The following PPP6R3 variants were observed in gnomAD, a reference collection of about 807,000 sequenced individuals.
PPP6R3 encodes serine/threonine-protein phosphatase 6 regulatory subunit 3.
Under a neutral mutation model 110.7 loss-of-function variants are expected in PPP6R3, and 38 were observed. That is an observed-to-expected ratio of 0.34 (90% CI 0.26 to 0.45). The LOEUF (loss-of-function observed/expected upper bound fraction) is 0.45. PPP6R3 is among the 20% of genes least tolerant of loss of function. The pLI is 1.00. For synonymous variants in PPP6R3, 369 were observed against 373.5 expected (o/e 0.99, Z 0.14); for missense variants, 870 against 1,062.4 (o/e 0.82, Z 2.52).
chr11:68,551,757 G>T (rs1019838508), intron 6 of PPP6R3, among the ~76,000 whole-genome samples: 9 of 152,160 alleles, frequency 5.9e-5, no homozygotes, highest in Non-Finnish European at 1.5e-5. Context: ...AAAGTGCTGG[G>T]ATTACAGCCG....
intron 1 of PPP6R3, among the ~76,000 whole-genome samples, chr11:68,497,199 A>G (rs1349437762): frequency 7.4e-6 from 1 of 134,774 alleles, no homozygotes; most frequent in Non-Finnish European, 1.6e-5. Flanking sequence ...GGTGCCCGCC[A>G]CCACGCCCGG....
Position 68,614,429 on chromosome 11 carries a change from TAATAG to T in PPP6R3, c.*1315_*1319del. On this transcript the variant is annotated 3_prime_UTR_variant, in exon 24 of 24. Transcript: ENST00000393800. ...GATGCAAATCAGTTTTTCATTTCTG[TAATAG>T]AAAATTATTCACGTATTTTTACATC... is the stretch of plus-strand genomic sequence containing the variant. 1.5e-6 allele frequency: 2 copies of T among 1,328,008 alleles called. No individual in the cohort carries two copies. The highest frequency in any genetic ancestry group is 1.9e-6 in the Non-Finnish European group (2 of 1,042,844). 82.3% of individuals were successfully genotyped at this position (1,328,008 alleles called of 1,614,324 possible). A position where few individuals can be genotyped will look rare whatever the true frequency, so the allele number is the denominator to read the frequency against.
intron 1 of PPP6R3, among the ~76,000 whole-genome samples, chr11:68,491,058 C>T (rs1030772512): frequency 2.6e-5 from 4 of 152,108 alleles, no homozygotes; most frequent in Non-Finnish European, 5.9e-5. Context: ...TGGTGGCACA[C>T]ACCTGTAGTC....
chr11:68,598,271 G>A (rs1240558368), intron 19 of PPP6R3, among the ~76,000 whole-genome samples: 1 of 152,116 alleles, frequency 6.6e-6, no homozygotes, highest in East Asian at 1.9e-4. Context: ...CCTTTTGTTC[G>A]AAGGCCGAAT....
intron 14 of PPP6R3, among the ~76,000 whole-genome samples, chr11:68,576,949 G>C (rs2099533963): frequency 6.6e-6 from 1 of 152,204 alleles, no homozygotes; most frequent in African/African-American, 2.4e-5. Context: ...GGAGGGCTGT[G>C]CCCCCTACTT....
At chr11:68,503,284 A>G (rs556025257) in intron 1 of PPP6R3, among the ~76,000 whole-genome samples, 1 of 152,196 alleles carries the variant, frequency 6.6e-6, no homozygotes, top group Admixed American at 6.5e-5. Flanking sequence ...GGCTTCGTTT[A>G]TTCAACAGAA....
At chr11:68,542,289 C>G (rs569869131) in intron 3 of PPP6R3, among the ~76,000 whole-genome samples, 2 of 150,346 alleles carry the variant, frequency 1.3e-5, no homozygotes, top group Admixed American at 1.3e-4. Flanking sequence ...ATTGCCTTCT[C>G]TGTGTTCTCA....
chr11:68,460,907 A>C (rs1300284778), intron 1 of PPP6R3, 80 bp downstream of exon 1: 1 of 992 alleles, frequency 1.0e-3, no homozygotes, highest in African/African-American at 3.7e-3. Context: ...GGGCCCCTCC[A>C]CCTGGCCTCA....
At chr11:68,529,087 C>T (rs2099220050) in intron 2 of PPP6R3, among the ~76,000 whole-genome samples, 1 of 152,144 alleles carries the variant, frequency 6.6e-6, no homozygotes, top group South Asian at 2.1e-4. Context: ...GTTTTTTGTC[C>T]ACATTAATCA....
chr11:68,610,057 C>T (rs1420537267), intron 23 of PPP6R3, 34 bp downstream of exon 23: 3 of 1,606,876 alleles, frequency 1.9e-6, no homozygotes, highest in Admixed American at 1.7e-5. Context: ...CACCCAGGCC[C>T]TGCCCTGACC....
chr11:68,499,175 C>T (rs1346171514), intron 1 of PPP6R3, among the ~76,000 whole-genome samples: 4 of 151,832 alleles, frequency 2.6e-5, no homozygotes, highest in Middle Eastern at 3.4e-3. Context: ...TATCCCCAAA[C>T]GTAGTGGATT....
chr11:68,613,369 C>G lies in PPP6R3; in HGVS notation c.*252C>G, dbSNP rs1018040577. The G allele has an allele frequency of 1.7e-6, 2 of 1,201,110 alleles. No homozygotes were observed. The highest frequency in any genetic ancestry group is 1.6e-5 in the African/African-American group (1 of 63,224). 74.4% of individuals were successfully genotyped at this position (1,201,110 alleles called of 1,614,324 possible). ...TGTATTGTTCTAAATAATGGGTAGC[C>G]TGTGAAATAAGATCTTGCCACCCAT... On this transcript the variant is annotated 3_prime_UTR_variant, in exon 24 of 24. Transcript: ENST00000393800.
In PPP6R3 at chr11:68,573,114, T is replaced by TTATATATATATAGA. The variant is rs2099514636; in HGVS notation, c.1344-983_1344-982insGATATATATATATA. 4.9e-5 allele frequency among the ~76,000 whole-genome samples: 3 copies of TTATATATATATAGA among 61,796 alleles called. 1 individual carries two copies. Among genetic ancestry groups the TTATATATATATAGA allele is most frequent in the Non-Finnish European group, 8.2e-5 (3 of 36,420 alleles). 40.5% of individuals were successfully genotyped at this position (61,796 alleles called of 152,430 possible). Reference sequence around the variant, plus strand: ...TCAGATTAATATGAGTTTACTTATTTTATATATATATATATATATATATAT... The same window carrying TTATATATATATAGA: ...TCAGATTAATATGAGTTTACTTATTTTATATATATATAGATATATATATATATATATATATATAT... On this transcript the variant is annotated intron_variant, in intron 12 of 23. Transcript: ENST00000393800.
chr11:68,555,452 A>G (rs1002115259), intron 7 of PPP6R3, among the ~76,000 whole-genome samples: 2 of 152,218 alleles, frequency 1.3e-5, no homozygotes, highest in African/African-American at 2.4e-5. Flanking sequence ...TGGAAATCCA[A>G]TGTGTATTTT....
chr11:68,485,661 A>G (rs916429722), intron 1 of PPP6R3, among the ~76,000 whole-genome samples: 1 of 152,126 alleles, frequency 6.6e-6, no homozygotes, highest in Non-Finnish European at 1.5e-5. Flanking sequence ...TCTTGAACCT[A>G]CTGATGTGAT....
At chr11:68,466,960 A>G (rs1025414060) in intron 1 of PPP6R3, among the ~76,000 whole-genome samples, 42 of 141,702 alleles carry the variant, frequency 3.0e-4, no homozygotes, top group African/African-American at 1.1e-3. Flanking sequence ...GTTAGCCAGG[A>G]TGGTCTCGAT....
intron 1 of PPP6R3, among the ~76,000 whole-genome samples, chr11:68,472,001 G>C (rs1037057143): frequency 6.6e-6 from 1 of 152,074 alleles, no homozygotes; most frequent in Non-Finnish European, 1.5e-5. Flanking sequence ...GAGGAGAGAG[G>C]AGGAAGTATG....
At chr11:68,492,319 G>A (rs761663331) in intron 1 of PPP6R3, among the ~76,000 whole-genome samples, 2 of 151,984 alleles carry the variant, frequency 1.3e-5, no homozygotes, top group Non-Finnish European at 2.9e-5. Flanking sequence ...ACCATGCCTG[G>A]CTAAGTTTTA....
At chr11:68,540,348 G>A (rs1320897513) in intron 3 of PPP6R3, among the ~76,000 whole-genome samples, 1 of 152,188 alleles carries the variant, frequency 6.6e-6, no homozygotes, top group African/African-American at 2.4e-5. Flanking sequence ...TGCCCCACAA[G>A]CCACAAAAAC....
Sources: allele counts gnomAD v4.1 joint callset (sites outside exome capture counted in the v4.1 genomes callset), GRCh38; gene constraint gnomAD v4.1.1; transcripts MANE v1.5; gene names NCBI Gene and HGNC (gene_info 2026-07-23, HGNC 2026-07-21).